The following FOXP2 variants were observed in gnomAD, a reference collection of about 807,000 sequenced individuals.
FOXP2 encodes the protein forkhead box P2, also known as forkhead box protein P2.
A neutral mutation model predicts 115.8 loss-of-function variants in FOXP2; 12 were observed. That is an observed-to-expected ratio of 0.10 (90% CI 0.07 to 0.17). FOXP2 has a LOEUF of 0.17. FOXP2 is among the 10% of genes least tolerant of loss of function. The pLI, the probability that FOXP2 is intolerant of heterozygous loss-of-function variation, is 1.00. For synonymous variants in FOXP2, 328 were observed against 297.7 expected (o/e 1.10, Z -1.05); for missense variants, 629 against 843.5 (o/e 0.75, Z 3.15).
At chr7:114,359,626 C>A (rs1322997665) in intron 2 of FOXP2, among the ~76,000 whole-genome samples, 1 of 152,226 alleles carries the variant, frequency 6.6e-6, no homozygotes, top group Non-Finnish European at 1.5e-5. Flanking sequence ...CCTCTTGGAT[C>A]AGCATGACCT....
intron 2 of FOXP2, among the ~76,000 whole-genome samples, chr7:114,333,022 G>A (rs1797749604): frequency 6.6e-6 from 1 of 152,102 alleles, no homozygotes; most frequent in Non-Finnish European, 1.5e-5. Flanking sequence ...TTAGGATACT[G>A]CAGGTTCCTT....
intron 2 of FOXP2, among the ~76,000 whole-genome samples, chr7:114,480,793 G>C (rs1038642941): frequency 6.7e-6 from 1 of 150,206 alleles, no homozygotes. Context: ...ATGCACAACC[G>C]TATATTACCT....
At chr7:114,191,692 C>T (rs186970693) in intron 1 of FOXP2, among the ~76,000 whole-genome samples, 150 of 152,244 alleles carry the variant, frequency 9.9e-4, no homozygotes, top group African/African-American at 3.2e-3. Flanking sequence ...TTTTCCTCTC[C>T]CAACACAGTT....
intron 2 of FOXP2, among the ~76,000 whole-genome samples, chr7:114,401,195 C>A (rs1792879831): frequency 6.6e-6 from 1 of 151,972 alleles, no homozygotes; most frequent in Admixed American, 6.6e-5. Flanking sequence ...AGCTTCATAG[C>A]CTGACTAATG....
chr7:114,577,151 T>G (rs1421413447), intron 3 of FOXP2, among the ~76,000 whole-genome samples: 1 of 152,012 alleles, frequency 6.6e-6, no homozygotes, highest in Non-Finnish European at 1.5e-5. Flanking sequence ...TGGCATAGTT[T>G]ATGCAGTACT....
At chr7:114,565,855 T>C (rs901249283) in intron 3 of FOXP2, among the ~76,000 whole-genome samples, 1 of 152,168 alleles carries the variant, frequency 6.6e-6, no homozygotes, top group African/African-American at 2.4e-5. Flanking sequence ...CTGGTTCTTG[T>C]TGACTGACTC....
At chr7:114,350,658 A>G (rs1302842343) in intron 2 of FOXP2, among the ~76,000 whole-genome samples, 1 of 152,164 alleles carries the variant, frequency 6.6e-6, no homozygotes, top group Non-Finnish European at 1.5e-5. Context: ...GCAACTAAGA[A>G]GGCAAAGGTT....
intron 2 of FOXP2, among the ~76,000 whole-genome samples, chr7:114,427,271 C>G (rs1181544317): frequency 6.6e-6 from 1 of 151,324 alleles, no homozygotes; most frequent in Non-Finnish European, 1.5e-5. Context: ...TTTTTGTGTT[C>G]TCCTAAGTGT....
chr7:114,377,293 A>G (rs1584677632), intron 2 of FOXP2, among the ~76,000 whole-genome samples: 1 of 152,344 alleles, frequency 6.6e-6, no homozygotes, highest in East Asian at 1.9e-4. Flanking sequence ...CTAGGTATTA[A>G]GAAGTCAGTT....
intron 3 of FOXP2, among the ~76,000 whole-genome samples, chr7:114,613,550 C>A (rs1289676195): frequency 6.6e-6 from 1 of 151,752 alleles, no homozygotes; most frequent in East Asian, 1.9e-4. Flanking sequence ...TGGCAGGTGC[C>A]TGTAGTCCCA....
rs111709263 is a variant in FOXP2 at position 114,281,587 on chromosome 7, C to T, written c.-101-6432C>T. On this transcript the variant is annotated intron_variant, in intron 1 of 17. Coordinates refer to the FOXP2 transcript ENST00000634411. ...CTTGCTAACTTCCATTTTACTATTA[C>T]TCTTACTAGCCTGCTTATTGATTAA... 9.1e-3 allele frequency among the ~76,000 whole-genome samples: 1,387 copies of T among 152,180 alleles called. 34 individuals carry two copies. The highest frequency in any genetic ancestry group is 0.032 in the African/African-American group (1,326 of 41,530).
At chr7:114,507,237 A>G (rs1310535360) in intron 2 of FOXP2, among the ~76,000 whole-genome samples, 2 of 151,840 alleles carry the variant, frequency 1.3e-5, no homozygotes, top group East Asian at 1.9e-4. Context: ...TGGAAAATCT[A>G]TCTATCCTAC....
intron 3 of FOXP2, among the ~76,000 whole-genome samples, chr7:114,587,240 C>A (rs1299951214): frequency 6.6e-6 from 1 of 152,002 alleles, no homozygotes; most frequent in Non-Finnish European, 1.5e-5. Context: ...TCCCCACCCC[C>A]TAACAGGCCC....
intron 2 of FOXP2, among the ~76,000 whole-genome samples, chr7:114,302,304 C>A (rs1796896792): frequency 6.6e-6 from 1 of 152,018 alleles, no homozygotes; most frequent in Admixed American, 6.6e-5. Flanking sequence ...AGCATATGAA[C>A]TTTTGATGGT....
chr7:114,486,249 A>G (rs1367596453), intron 2 of FOXP2, among the ~76,000 whole-genome samples: 1 of 152,072 alleles, frequency 6.6e-6, no homozygotes, highest in Non-Finnish European at 1.5e-5. Flanking sequence ...AGCAAGACAT[A>G]TCTTACATGG....
intron 1 of FOXP2, among the ~76,000 whole-genome samples, chr7:114,267,082 A>G (rs1334871546): frequency 1.3e-5 from 2 of 152,182 alleles, no homozygotes; most frequent in East Asian, 1.9e-4. Context: ...TTAGAGAAGA[A>G]GTTATTCTTA....
chr7:114,362,447 A>G (rs189807652), intron 2 of FOXP2, among the ~76,000 whole-genome samples: 2 of 152,232 alleles, frequency 1.3e-5, no homozygotes, highest in East Asian at 3.9e-4. Context: ...TTTCAGATGA[A>G]TACTATGCTA....
chr7:114,278,525 T>A (rs1209603037), intron 1 of FOXP2, among the ~76,000 whole-genome samples: 1 of 152,070 alleles, frequency 6.6e-6, no homozygotes. Context: ...TGGCTAATTT[T>A]TGTATTTTAG....
At chr7:114,665,707 G>GT (rs979825513) in intron 16 of FOXP2, 3 of 151,992 alleles carry the variant, frequency 2.0e-5, no homozygotes, top group African/African-American at 7.2e-5. Flanking sequence ...GTCTTTAGAT[G>GT]TATTAAATAA....
Sources: gnomAD v4.1 joint callset for allele counts (sites outside exome capture counted in the v4.1 genomes callset) on GRCh38, gnomAD v4.1.1 for gene constraint, MANE v1.5 for transcripts, NCBI Gene and HGNC (gene_info 2026-07-23, HGNC 2026-07-21) for gene names.